Variants in PTPN13 observed in about 807,000 individuals in gnomAD.
PTPN13 encodes tyrosine-protein phosphatase non-receptor type 13.
Under a neutral mutation model 284.0 loss-of-function variants are expected in PTPN13, and 191 were observed. The observed-to-expected ratio is 0.67, with a 90% CI of 0.60 to 0.76. The LOEUF (loss-of-function observed/expected upper bound fraction) is 0.76, where lower values mean the gene tolerates loss of function less well. Ranked by LOEUF, PTPN13 falls within the 30% of genes least tolerant of loss-of-function variation. The pLI is 0.00. For missense variants in PTPN13, 2,797 were observed against 2,939.9 expected, an observed-to-expected ratio of 0.95 and a Z score of 1.12; for synonymous variants, 986 against 1,022.3, an observed-to-expected ratio of 0.96 and a Z score of 0.68.
chr4:86,778,477 T>C (rs1006097412), intron 35 of PTPN13, among the ~76,000 whole-genome samples: 3 of 136,636 alleles, frequency 2.2e-5, no homozygotes, highest in Non-Finnish European at 3.2e-5. Flanking sequence ...GGCAAAGCAG[T>C]GCCTGGTATC....
chr4:86,635,617 A>G (rs1407978407), intron 2 of PTPN13, among the ~76,000 whole-genome samples: 1 of 152,164 alleles, frequency 6.6e-6, no homozygotes, highest in Non-Finnish European at 1.5e-5. Flanking sequence ...ATTGAAACCG[A>G]AACAGTTCTT....
chr4:86,775,123 C>A, intron 33 of PTPN13, 48 bp from the exon 34 acceptor site: 1 of 1,422,164 alleles, frequency 7.0e-7, no homozygotes, highest in South Asian at 1.4e-5. Flanking sequence ...TTTAGCTTCT[C>A]TTTTCTAAAA....
chr4:86,689,310 T>C (rs1729776833), intron 5 of PTPN13, 120 bp downstream of exon 5: 2 of 767,634 alleles, frequency 2.6e-6, no homozygotes, highest in Non-Finnish European at 4.1e-6. Flanking sequence ...AAATGGAAAA[T>C]TGAATTTCTT....
intron 45 of PTPN13, among the ~76,000 whole-genome samples, chr4:86,808,384 A>G (rs971356510): frequency 1.3e-5 from 2 of 152,244 alleles, no homozygotes; most frequent in African/African-American, 4.8e-5. Context: ...CCACTGGATC[A>G]ATCTAGCTTG....
At chr4:86,735,770 A>G in intron 15 of PTPN13, 24 bp downstream of exon 15, 8 of 1,594,972 alleles carry the variant, frequency 5.0e-6, no homozygotes, top group Non-Finnish European at 6.8e-6. Context: ...ATTACAAATG[A>G]TAAGCTTTGT....
intron 17 of PTPN13, among the ~76,000 whole-genome samples, chr4:86,747,988 T>C (rs1420280294): frequency 6.6e-6 from 1 of 152,242 alleles, no homozygotes; most frequent in South Asian, 2.1e-4. Context: ...TTTGCCCTCA[T>C]GTCATATATA....
At chr4:86,750,977 A>G (rs1298075605) in intron 18 of PTPN13, 50 bp from the exon 19 acceptor site, 1 of 1,559,988 alleles carries the variant, frequency 6.4e-7, no homozygotes, top group African/African-American at 1.4e-5. Flanking sequence ...TATTTTCACC[A>G]TATTTTTTTA....
At chr4:86,728,666 T>C in intron 10 of PTPN13, among the ~76,000 whole-genome samples, 2 of 112,140 alleles carry the variant, frequency 1.8e-5, no homozygotes, top group Admixed American at 9.1e-5. Flanking sequence ...TTTTTTTTTT[T>C]TTTTTTTTTT....
chr4:86,597,561 C>T (rs763885195), intron 1 of PTPN13, among the ~76,000 whole-genome samples: 4 of 152,178 alleles, frequency 2.6e-5, no homozygotes, highest in Non-Finnish European at 5.9e-5. Flanking sequence ...TCAAAACTCC[C>T]GTCTGTAAAC....
At chr4:86,626,959 A>G (rs1406004151) in intron 1 of PTPN13, among the ~76,000 whole-genome samples, 1 of 152,120 alleles carries the variant, frequency 6.6e-6, no homozygotes, top group Non-Finnish European at 1.5e-5. Flanking sequence ...ACAACCCCAA[A>G]TGTTCTAAAC....
chr4:86,697,525 A>G (rs1730704119), intron 6 of PTPN13, among the ~76,000 whole-genome samples: 1 of 152,130 alleles, frequency 6.6e-6, no homozygotes, highest in Non-Finnish European at 1.5e-5. Context: ...CTCTGACCCT[A>G]CTTTGTTACC....
chr4:86,765,631 T>C (rs1436761717), intron 26 of PTPN13, 143 bp downstream of exon 26: 3 of 574,054 alleles, frequency 5.2e-6, no homozygotes, highest in Non-Finnish European at 8.8e-6. Context: ...ATTAAGAAAC[T>C]CTTTGATGCC....
chr4:86,704,272 T>G (rs1731483461), intron 7 of PTPN13, among the ~76,000 whole-genome samples: 1 of 152,210 alleles, frequency 6.6e-6, no homozygotes, highest in Admixed American at 6.5e-5. Flanking sequence ...AAATTAGTAG[T>G]AATGTGAATT....
intron 6 of PTPN13, among the ~76,000 whole-genome samples, chr4:86,693,957 G>A (rs866914293): frequency 6.6e-5 from 10 of 151,322 alleles, no homozygotes; most frequent in Non-Finnish European, 7.4e-5. Flanking sequence ...TTACTTTATC[G>A]TGGTATTTCA....
intron 10 of PTPN13, among the ~76,000 whole-genome samples, chr4:86,723,321 A>G (rs2149094270): frequency 6.6e-6 from 1 of 152,274 alleles, no homozygotes; most frequent in Admixed American, 6.5e-5. Context: ...TAGCATTGCC[A>G]CCTGAGCTCC....
At chr4:86,629,596 G>A (rs1722233511) in intron 1 of PTPN13, among the ~76,000 whole-genome samples, 1 of 152,074 alleles carries the variant, frequency 6.6e-6, no homozygotes, top group Admixed American at 6.6e-5. Context: ...TTTCTAATCT[G>A]GGTCATGCAT....
intron 2 of PTPN13, among the ~76,000 whole-genome samples, chr4:86,651,057 A>G (rs1233836421): frequency 2.0e-5 from 3 of 152,184 alleles, no homozygotes; most frequent in Non-Finnish European, 4.4e-5. Context: ...TGAGTTTGTC[A>G]TATATGGCCT....
chr4:86,662,170 A>G (rs1462684202), intron 2 of PTPN13, among the ~76,000 whole-genome samples: 2 of 152,222 alleles, frequency 1.3e-5, no homozygotes, highest in African/African-American at 2.4e-5. Flanking sequence ...TAGCATTTTA[A>G]AAGGCTTAGC....
At chr4:86,742,964 T>G (rs1042615297) in intron 16 of PTPN13, among the ~76,000 whole-genome samples, 3 of 152,214 alleles carry the variant, frequency 2.0e-5, no homozygotes, top group Non-Finnish European at 4.4e-5. Context: ...AGAGAATAGT[T>G]TGCATTCCCA....
Sources: gnomAD v4.1 joint callset for allele counts (sites outside exome capture counted in the v4.1 genomes callset) on GRCh38, gnomAD v4.1.1 for gene constraint, MANE v1.5 for transcripts, NCBI Gene and HGNC (gene_info 2026-07-23, HGNC 2026-07-21) for gene names.